The following AMMECR1 variants were observed in gnomAD, a reference collection of about 807,000 sequenced individuals.
AMMECR1 encodes the protein AMMECR nuclear protein 1.
Under a neutral mutation model 22.5 loss-of-function variants are expected in AMMECR1, and 3 were observed. That is an observed-to-expected ratio of 0.13 (90% confidence interval 0.06 to 0.35). The LOEUF is 0.35. Among genes scored for constraint, AMMECR1 ranks in the 10% least tolerant of loss-of-function variants. AMMECR1 has a pLI of 1.00. For missense variants in AMMECR1, 235 were observed against 278.7 expected (o/e 0.84, Z 1.12); for synonymous variants, 130 against 116.7 (o/e 1.11, Z -0.74).
chrX:110,359,342 T>C (rs1313745351), intron 2 of AMMECR1, among the ~76,000 whole-genome samples: 1 of 112,054 alleles, frequency 8.9e-6, no homozygotes, highest in East Asian at 2.8e-4. Flanking sequence ...GCAGCTTCTT[T>C]GAGCTCATTC....
chrX:110,283,827 TA>T (rs2067865064), intron 1 of AMMECR1, among the ~76,000 whole-genome samples: 1 of 111,844 alleles, frequency 8.9e-6, no homozygotes, highest in Non-Finnish European at 1.9e-5. Flanking sequence ...AATATTTAAT[TA>T]AAATAAAATG....
intron 2 of AMMECR1, among the ~76,000 whole-genome samples, chrX:110,425,034 A>G (rs778686172): frequency 4.5e-5 from 5 of 111,847 alleles, no homozygotes; most frequent in African/African-American, 1.6e-4. Flanking sequence ...CTCTTCAGTG[A>G]CCAGTTGTTT....
chrX:110,254,314 T>C (rs1193809381), intron 2 of AMMECR1, among the ~76,000 whole-genome samples: 1 of 111,802 alleles, frequency 8.9e-6, no homozygotes, highest in African/African-American at 3.2e-5. Context: ...TACCTTGCAA[T>C]CTGAAACATT....
At chrX:110,366,943 A>AT (rs2068301300) in intron 2 of AMMECR1, among the ~76,000 whole-genome samples, 1 of 110,874 alleles carries the variant, frequency 9.0e-6, no homozygotes, top group Non-Finnish European at 1.9e-5. Flanking sequence ...TTGTTTCTAC[A>AT]TTTTCCCTTT....
At chrX:110,366,031 C>T (rs1048948550) in intron 2 of AMMECR1, among the ~76,000 whole-genome samples, 6 of 111,688 alleles carry the variant, frequency 5.4e-5, no homozygotes, top group African/African-American at 2.0e-4. Context: ...TCTCTGCAGA[C>T]TGGCTCAGCT....
At chrX:110,418,069 G>T (rs1191842876) in intron 2 of AMMECR1, among the ~76,000 whole-genome samples, 1 of 112,473 alleles carries the variant, frequency 8.9e-6, no homozygotes, top group Non-Finnish European at 1.9e-5. Context: ...GGGAGAGAGG[G>T]CATCCCAGTC....
chrX:110,257,125 A>C (rs2148194592), intron 2 of AMMECR1, among the ~76,000 whole-genome samples: 1 of 112,139 alleles, frequency 8.9e-6, no homozygotes, highest in South Asian at 3.7e-4. Context: ...TAATGTCTAT[A>C]GTATAATTTT....
Position 110,332,578 on chromosome X carries a change from C to T in AMMECR1, c.-147-14729G>A, listed in dbSNP as rs777223777. On this transcript the variant is annotated intron_variant, in intron 2 of 7. Coordinates refer to the AMMECR1 transcript ENST00000372057. ...CAAATATTATTTTTAAATAATTTGT[C>T]CTTGTTGTTGTAGATTTTTTTCCCT... is the stretch of plus-strand genomic sequence containing the variant. Among the ~76,000 whole-genome samples, 16 of 111,796 alleles carry T rather than the reference C, an allele frequency of 1.4e-4. 1 individual carries two copies. The South Asian group carries it at 6.0e-3, about 42-fold the overall frequency.
At chrX:110,291,728 A>G (rs764843837) in intron 1 of AMMECR1, among the ~76,000 whole-genome samples, 2 of 111,881 alleles carry the variant, frequency 1.8e-5, no homozygotes, top group Non-Finnish European at 3.8e-5. Context: ...TCAAAGAGAT[A>G]TATATGCAGA....
intron 2 of AMMECR1, among the ~76,000 whole-genome samples, chrX:110,375,019 A>G (rs1378617435): frequency 9.0e-6 from 1 of 111,686 alleles, no homozygotes; most frequent in African/African-American, 3.3e-5. Context: ...GGCTGGGTGA[A>G]GTAATGCAGG....
At chrX:110,233,433 A>T (rs1381592827) in intron 2 of AMMECR1, among the ~76,000 whole-genome samples, 3 of 112,228 alleles carry the variant, frequency 2.7e-5, no homozygotes, top group Admixed American at 9.4e-5. Flanking sequence ...ATCCTTCTGA[A>T]ACTATGCCAA....
At chrX:110,369,948 A>G (rs1387942813) in intron 2 of AMMECR1, among the ~76,000 whole-genome samples, 2 of 110,853 alleles carry the variant, frequency 1.8e-5, no homozygotes, top group Admixed American at 9.6e-5. Flanking sequence ...GTGTACATGT[A>G]TATCTTTTAG....
At chrX:110,304,209 A>G (rs1246547792) in intron 1 of AMMECR1, among the ~76,000 whole-genome samples, 1 of 112,115 alleles carries the variant, frequency 8.9e-6, no homozygotes, top group African/African-American at 3.2e-5. Context: ...ACCATAAGGA[A>G]CATTCCCATT....
At chrX:110,429,515 C>T (rs1042289383) in intron 1 of AMMECR1, among the ~76,000 whole-genome samples, 1 of 98,759 alleles carries the variant, frequency 1.0e-5, no homozygotes, top group African/African-American at 4.0e-5. Flanking sequence ...GAGGCTTGCT[C>T]TCTTGCCCAG....
chrX:110,337,617 T>C (rs1352314285), intron 2 of AMMECR1, among the ~76,000 whole-genome samples: 1 of 111,511 alleles, frequency 9.0e-6, no homozygotes, highest in Admixed American at 9.5e-5. Context: ...ATACAGTTGG[T>C]GGGAATGTAA....
chrX:110,411,912 G>A (rs1425058670), intron 2 of AMMECR1, among the ~76,000 whole-genome samples: 2 of 112,228 alleles, frequency 1.8e-5, no homozygotes, highest in Non-Finnish European at 3.8e-5. Flanking sequence ...GCATACAGTA[G>A]GTACTCAATA....
chrX:110,420,743 C>G (rs921603780), intron 2 of AMMECR1, among the ~76,000 whole-genome samples: 1 of 111,792 alleles, frequency 8.9e-6, no homozygotes, highest in Admixed American at 9.5e-5. Context: ...CAGTGCTGCA[C>G]CACATTTTCC....
chrX:110,326,191 C>A (rs2068097260), intron 2 of AMMECR1, among the ~76,000 whole-genome samples: 1 of 111,306 alleles, frequency 9.0e-6, no homozygotes, highest in South Asian at 3.8e-4. Context: ...GGGGTTTCAC[C>A]ATGTTGGCTA....
chrX:110,308,829 ATGAAT>A (rs1203175829), intron 1 of AMMECR1, among the ~76,000 whole-genome samples: 1 of 111,292 alleles, frequency 9.0e-6, no homozygotes, highest in Admixed American at 9.5e-5. Context: ...TTGAGAACAC[ATGAAT>A]TGTGTTGAGA....
Sources: allele counts gnomAD v4.1 joint callset (sites outside exome capture counted in the v4.1 genomes callset), GRCh38; gene constraint gnomAD v4.1.1; transcripts MANE v1.5; gene names NCBI Gene and HGNC (gene_info 2026-07-23, HGNC 2026-07-21).